Variants in ZRANB3 observed in about 807,000 individuals in gnomAD.
ZRANB3 encodes DNA annealing helicase and endonuclease ZRANB3.
ZRANB3 carries 125 observed loss-of-function variants against 133.8 expected under a neutral mutation model. The ratio of observed to expected loss-of-function variants is 0.93; its 90% CI spans 0.81 to 1.08. ZRANB3 has a LOEUF of 1.08. Among genes scored for constraint, ZRANB3 ranks in the 50% least tolerant of loss-of-function variants. ZRANB3 has a pLI of 0.00. For synonymous variants in ZRANB3, 387 were observed against 432.7 expected (o/e 0.89, Z 1.31); for missense variants, 1,229 against 1,275.5 (o/e 0.96, Z 0.56).
chr2:135,509,368 G>A (rs1046792347), intron 1 of ZRANB3, among the ~76,000 whole-genome samples: 1 of 152,070 alleles, frequency 6.6e-6, no homozygotes. Flanking sequence ...TTAGAATAAG[G>A]TATAACAAAT....
intron 4 of ZRANB3, among the ~76,000 whole-genome samples, chr2:135,351,612 A>T (rs1319978973): frequency 6.6e-6 from 1 of 152,186 alleles, no homozygotes; most frequent in African/African-American, 2.4e-5. Flanking sequence ...GTTATTTAAT[A>T]TTACTAACTA....
At chr2:135,319,681 C>T (rs185934364) in intron 6 of ZRANB3, among the ~76,000 whole-genome samples, 68 of 152,288 alleles carry the variant, frequency 4.5e-4, no homozygotes, top group African/African-American at 1.6e-3. Context: ...CCATAAGACA[C>T]GTTCGCACTG....
chr2:135,311,383 T>A (rs960671151), intron 8 of ZRANB3, among the ~76,000 whole-genome samples: 1 of 152,154 alleles, frequency 6.6e-6, no homozygotes, highest in Non-Finnish European at 1.5e-5. Flanking sequence ...TATAGCTACT[T>A]TGAAAAACAA....
intron 6 of ZRANB3, among the ~76,000 whole-genome samples, chr2:135,328,690 A>C (rs1683972260): frequency 6.6e-6 from 1 of 152,068 alleles, no homozygotes; most frequent in African/African-American, 2.4e-5. Flanking sequence ...CACTGTAAAA[A>C]CATTCCTATT....
At chr2:135,204,954 GC>G in intron 19 of ZRANB3, among the ~76,000 whole-genome samples, 1 of 151,840 alleles carries the variant, frequency 6.6e-6, no homozygotes, top group Non-Finnish European at 1.5e-5. Context: ...TCTTCTGGAA[GC>G]CATCATGCTG....
intron 8 of ZRANB3, among the ~76,000 whole-genome samples, chr2:135,287,967 T>C (rs1681467532): frequency 6.6e-6 from 1 of 152,190 alleles, no homozygotes; most frequent in Admixed American, 6.5e-5. Context: ...CTTTCAGTAC[T>C]ATGTTGAATA....
At chr2:135,483,429 T>C (rs1414306883) in intron 2 of ZRANB3, among the ~76,000 whole-genome samples, 1 of 152,182 alleles carries the variant, frequency 6.6e-6, no homozygotes, top group Admixed American at 6.5e-5. Context: ...TATTCTCTGA[T>C]GGTAGTTTGT....
At chr2:135,487,838 T>C (rs1260195249) in intron 2 of ZRANB3, among the ~76,000 whole-genome samples, 1 of 152,244 alleles carries the variant, frequency 6.6e-6, no homozygotes, top group Non-Finnish European at 1.5e-5. Flanking sequence ...AAGACTGTTT[T>C]GCTTTCTTAT....
intron 2 of ZRANB3, among the ~76,000 whole-genome samples, chr2:135,495,258 TAA>T (rs1167919469): frequency 4.6e-5 from 7 of 151,954 alleles, no homozygotes; most frequent in Admixed American, 3.9e-4. Flanking sequence ...TAAAAAAAAA[TAA>T]AAAGTTAAAT....
At chr2:135,287,226 T>A (rs1681421213) in intron 8 of ZRANB3, among the ~76,000 whole-genome samples, 1 of 152,266 alleles carries the variant, frequency 6.6e-6, no homozygotes, top group African/African-American at 2.4e-5. Flanking sequence ...ATCAGTTGGC[T>A]GTAAATATTT....
chr2:135,366,744 C>T (rs569487243), intron 3 of ZRANB3, among the ~76,000 whole-genome samples: 17 of 152,076 alleles, frequency 1.1e-4, no homozygotes, highest in Non-Finnish European at 2.4e-4. Flanking sequence ...TTAGGCCGGG[C>T]GTGGTGGCTC....
intron 3 of ZRANB3, among the ~76,000 whole-genome samples, chr2:135,385,798 G>A (rs1320049054): frequency 2.0e-5 from 3 of 152,178 alleles, no homozygotes; most frequent in Non-Finnish European, 2.9e-5. Context: ...GTAGAAAGCC[G>A]AAACTGGATC....
At chr2:135,443,376 C>T (rs1399583026) in intron 2 of ZRANB3, among the ~76,000 whole-genome samples, 1 of 114,450 alleles carries the variant, frequency 8.7e-6, no homozygotes, top group African/African-American at 3.5e-5. Flanking sequence ...CACAGTGGGG[C>T]CTGTCAGGGG....
At chr2:135,358,372 A>G (rs1685526647) in intron 3 of ZRANB3, among the ~76,000 whole-genome samples, 3 of 152,212 alleles carry the variant, frequency 2.0e-5, no homozygotes. Context: ...GAGAGAAACA[A>G]GTAGAAGCAG....
chr2:135,405,937 C>T (rs895801615), intron 2 of ZRANB3, among the ~76,000 whole-genome samples: 2 of 151,892 alleles, frequency 1.3e-5, no homozygotes, highest in African/African-American at 4.8e-5. Context: ...AAACACATTC[C>T]AAATCTAGCA....
chr2:135,310,735 C>A (rs1017594461), intron 8 of ZRANB3, among the ~76,000 whole-genome samples: 2 of 151,896 alleles, frequency 1.3e-5, no homozygotes, highest in African/African-American at 4.8e-5. Flanking sequence ...CCAATTATTT[C>A]TCCTACTTGA....
At chr2:135,269,237 T>C in intron 10 of ZRANB3, 96 bp from the exon 11 acceptor site, 1 of 1,030,294 alleles carries the variant, frequency 9.7e-7, no homozygotes, top group East Asian at 3.1e-5. Context: ...ACTGAAGGAC[T>C]TGAAAACAAA....
At chr2:135,319,791 TA>T (rs770136641) in intron 6 of ZRANB3, among the ~76,000 whole-genome samples, 1 of 152,144 alleles carries the variant, frequency 6.6e-6, no homozygotes, top group African/African-American at 2.4e-5. Flanking sequence ...TATAACCCAC[TA>T]AATCCAAACC....
intron 8 of ZRANB3, among the ~76,000 whole-genome samples, chr2:135,290,599 G>C (rs566338581): frequency 6.6e-6 from 1 of 152,318 alleles, no homozygotes; most frequent in Admixed American, 6.5e-5. Flanking sequence ...TACAGTCAAC[G>C]TCAGTATTGA....
Sources: gnomAD v4.1 joint callset for allele counts (sites outside exome capture counted in the v4.1 genomes callset) on GRCh38, gnomAD v4.1.1 for gene constraint, MANE v1.5 for transcripts, NCBI Gene and HGNC (gene_info 2026-07-23, HGNC 2026-07-21) for gene names.